Variants in RARB observed in about 807,000 individuals in gnomAD.
RARB encodes the protein retinoic acid receptor beta, also known as HBV-activated protein.
Under a neutral mutation model 51.9 loss-of-function variants are expected in RARB, and 17 were observed. The ratio of observed to expected loss-of-function variants is 0.33; its 90% CI spans 0.22 to 0.49. The LOEUF (loss-of-function observed/expected upper bound fraction) is 0.49. RARB is among the 20% of genes least tolerant of loss of function. RARB has a pLI of 0.99. For missense variants in RARB, 369 were observed against 550.8 expected (o/e 0.67, Z 3.30); for synonymous variants, 215 against 195.4 (o/e 1.10, Z -0.84).
intron 1 of RARB, among the ~76,000 whole-genome samples, chr3:24,831,627 A>T (rs1702283211): frequency 6.6e-6 from 1 of 151,986 alleles, no homozygotes; most frequent in African/African-American, 2.4e-5. Flanking sequence ...AAAATACATG[A>T]TGCTTATAGA....
At chr3:25,152,661 C>G (rs1299310806) in intron 4 of RARB, among the ~76,000 whole-genome samples, 3 of 152,072 alleles carry the variant, frequency 2.0e-5, no homozygotes. Context: ...AGTAATACAA[C>G]CAGCCTGGTA....
At chr3:25,343,721 T>C (rs1346631049) in intron 5 of RARB, among the ~76,000 whole-genome samples, 1 of 152,192 alleles carries the variant, frequency 6.6e-6, no homozygotes, top group East Asian at 1.9e-4. Flanking sequence ...TTCAAGTCCG[T>C]ATTTAACTAT....
At chr3:25,307,672 G>A (rs990442159) in intron 5 of RARB, among the ~76,000 whole-genome samples, 40 of 152,090 alleles carry the variant, frequency 2.6e-4, no homozygotes, top group Admixed American at 1.3e-3. Context: ...TTTCTTTGTC[G>A]TTGGACAGAG....
intron 5 of RARB, among the ~76,000 whole-genome samples, chr3:25,376,351 C>T (rs59064731): frequency 6.6e-6 from 1 of 152,126 alleles, no homozygotes; most frequent in African/African-American, 2.4e-5. Flanking sequence ...GGACACAAGT[C>T]CAATTTGTCT....
At chr3:25,072,716 A>ATTT (rs200445618) in intron 3 of RARB, among the ~76,000 whole-genome samples, 44 of 148,698 alleles carry the variant, frequency 3.0e-4, no homozygotes, top group African/African-American at 1.1e-3. Context: ...TTTTTTATTT[A>ATTT]TTTTTTTTTT....
intron 4 of RARB, among the ~76,000 whole-genome samples, chr3:25,132,740 C>T (rs1442788218): frequency 1.3e-5 from 2 of 151,800 alleles, no homozygotes; most frequent in African/African-American, 4.8e-5. Flanking sequence ...GTTCTCACTA[C>T]AATGAAATAA....
chr3:25,203,623 C>T (rs1475785774), intron 5 of RARB, among the ~76,000 whole-genome samples: 1 of 152,136 alleles, frequency 6.6e-6, no homozygotes, highest in African/African-American at 2.4e-5. Context: ...GTAGGGCAGG[C>T]CTGGTGGTGA....
chr3:25,174,449 A>T (rs1442994955), exon 5 of RARB: 1 of 1,351,480 alleles, frequency 7.4e-7, no homozygotes, highest in Non-Finnish European at 9.8e-7. Context: ...CGGACACATG[A>T]CTCACTATCC....
At chr3:25,203,390 GC>G (rs1474325183) in intron 5 of RARB, among the ~76,000 whole-genome samples, 2 of 152,154 alleles carry the variant, frequency 1.3e-5, no homozygotes, top group Non-Finnish European at 2.9e-5. Context: ...TATCCAATTT[GC>G]CAGTCTGTGT....
chr3:25,086,522 C>T (rs989235266), intron 3 of RARB, among the ~76,000 whole-genome samples: 10 of 152,046 alleles, frequency 6.6e-5, no homozygotes, highest in African/African-American at 2.2e-4. Flanking sequence ...TATTTTGAGC[C>T]AAATATGAGT....
In RARB at chr3:25,483,547, T is replaced by TC. The variant is rs1263274796; in HGVS notation, c.307-17634dup. On this transcript the variant is annotated intron_variant, in intron 2 of 7. Coordinates refer to ENST00000330688, the MANE Select transcript of RARB (RefSeq NM_000965.5). ...TTCTTCTTTTTTTTTTTTTTTTTTT[T>TC]CACTCAAAAAAAGAGAGTGTGTGGC... 5.0e-5 allele frequency among the ~76,000 whole-genome samples: 6 copies of TC among 120,062 alleles called. No homozygotes were observed. In the East Asian group the frequency reaches 1.2e-3, roughly 24 times the overall value. The allele number at this position is 120,062 out of a possible 152,430, so 78.8% of individuals were successfully genotyped here.
At chr3:24,923,824 C>T (rs997519150) in intron 2 of RARB, among the ~76,000 whole-genome samples, 1 of 152,104 alleles carries the variant, frequency 6.6e-6, no homozygotes, top group Non-Finnish European at 1.5e-5. Flanking sequence ...ATTCCTGTTC[C>T]TAGATTGTGG....
At chr3:25,307,139 G>A (rs896077653) in intron 5 of RARB, among the ~76,000 whole-genome samples, 4 of 152,080 alleles carry the variant, frequency 2.6e-5, no homozygotes, top group Admixed American at 2.0e-4. Context: ...GATCCCTCAG[G>A]ATGAGGCAGG....
intron 4 of RARB, among the ~76,000 whole-genome samples, chr3:25,149,395 A>G (rs183759829): frequency 1.3e-3 from 197 of 152,352 alleles, no homozygotes; most frequent in African/African-American, 4.6e-3. Context: ...AATATTTGGT[A>G]TATAATAAAG....
At chr3:25,172,118 C>T (rs560589790) in intron 4 of RARB, among the ~76,000 whole-genome samples, 1 of 152,222 alleles carries the variant, frequency 6.6e-6, no homozygotes, top group South Asian at 2.1e-4. Context: ...GGGCCTGGGA[C>T]CATATGGTCT....
At chr3:24,888,384 CCT>C (rs1225970281) in intron 2 of RARB, among the ~76,000 whole-genome samples, 1 of 151,946 alleles carries the variant, frequency 6.6e-6, no homozygotes, top group Non-Finnish European at 1.5e-5. Context: ...GGGATTTGAA[CCT>C]AGCCAGTTAC....
Position 25,593,679 on chromosome 3 carries a change from T to C in RARB, c.963T>C (p.Leu321=). Reference sequence around the variant, plus strand: ...AAATGGATGACACAGAAACAGGCCTTCTCAGTGCCATCTGCTTAATCTGTG... The same window carrying C: ...AAATGGATGACACAGAAACAGGCCTCCTCAGTGCCATCTGCTTAATCTGTG... ...PLEMDDTETG[L]LSAICLICGD... Residue 321 remains leucine (L), a synonymous_variant, in exon 6 of 8, where the codon CTT becomes CTC. Transcript: ENST00000330688. 5 of 1,614,118 alleles carry C rather than the reference T, an allele frequency of 3.1e-6. No homozygotes were observed. Among genetic ancestry groups the C allele is most frequent in the Non-Finnish European group, 4.2e-6 (5 of 1,179,968 alleles).
chr3:25,488,940 A>T (rs6772792), intron 2 of RARB, among the ~76,000 whole-genome samples: 1,533 of 152,282 alleles, frequency 0.01, 27 homozygotes, highest in African/African-American at 0.035. Flanking sequence ...TCTCCAGTGT[A>T]ATCAAAAGGC....
At chr3:24,910,210 C>T (rs1694962475) in intron 2 of RARB, among the ~76,000 whole-genome samples, 1 of 152,102 alleles carries the variant, frequency 6.6e-6, no homozygotes, top group Non-Finnish European at 1.5e-5. Context: ...AATTGTTCTT[C>T]CTAAGCCTAG....
Sources: gnomAD v4.1 joint callset for allele counts (sites outside exome capture counted in the v4.1 genomes callset) on GRCh38, gnomAD v4.1.1 for gene constraint, MANE v1.5 for transcripts, NCBI Gene and HGNC (gene_info 2026-07-23, HGNC 2026-07-21) for gene names.